The following ARHGEF19 variants were observed in gnomAD, a reference collection of about 807,000 sequenced individuals.
The protein encoded by ARHGEF19 is Rho guanine nucleotide exchange factor 19.
A neutral mutation model predicts 87.6 loss-of-function variants in ARHGEF19; 92 were observed. The ratio of observed to expected loss-of-function variants is 1.05; its 90% CI spans 0.89 to 1.25. The LOEUF is 1.25. Ranked by LOEUF, ARHGEF19 falls within the 50% of genes most tolerant of loss-of-function variation. The probability of loss-of-function intolerance (pLI) is 0.00; values close to 1 mark genes in which losing one functional copy is unlikely to be tolerated. For missense variants in ARHGEF19, 1,054 were observed against 1,051.8 expected (o/e 1.00, Z -0.03); for synonymous variants, 438 against 446.2 (o/e 0.98, Z 0.23).
Position 16,206,349 on chromosome 1 carries a change from G to A in ARHGEF19, c.1138-9C>T, listed in dbSNP as rs1160959386. ...ATCAGCTCAAACTTGGCCTGAGGGA[G>A]GGCACACACGGGGTCGAAAGGGCAG... is the stretch of plus-strand genomic sequence containing the variant. On this transcript the variant is annotated splice_polypyrimidine_tract_variant and intron_variant, in intron 6 of 15. Coordinates refer to ENST00000270747, the MANE Select transcript of ARHGEF19 (RefSeq NM_153213.5). The surrounding 1 kb of genome is among the most constrained non-coding windows in gnomAD (Gnocchi z 4.6). 1.2e-5 allele frequency: 19 copies of A among 1,572,944 alleles called. No individual in the cohort carries two copies. Among genetic ancestry groups the A allele is most frequent in the South Asian group, 3.5e-5 (3 of 85,496 alleles).
At chr1:16,210,807 G>A (rs974749297) in intron 1 of ARHGEF19, among the ~76,000 whole-genome samples, 5 of 152,284 alleles carry the variant, frequency 3.3e-5, no homozygotes, top group Middle Eastern at 3.4e-3. Context: ...ACTGCTCCAC[G>A]GCTGAAATAC....
chr1:16,200,233 C>A (rs2081072378), intron 14 of ARHGEF19, among the ~76,000 whole-genome samples: 1 of 152,246 alleles, frequency 6.6e-6, no homozygotes, highest in African/African-American at 2.4e-5. Flanking sequence ...CTGCCGCTTA[C>A]TGGCTGTGTG....
intron 12 of ARHGEF19, among the ~76,000 whole-genome samples, chr1:16,203,903 T>G (rs79917870): frequency 6.6e-6 from 1 of 152,244 alleles, no homozygotes; most frequent in Non-Finnish European, 1.5e-5. Context: ...AGAGCTTCTG[T>G]GAGCAGAAAA....
In ARHGEF19 at chr1:16,205,716, G is replaced by T; in HGVS notation, c.1452-49C>A. 1.3e-6 allele frequency: 2 copies of T among 1,560,966 alleles called. No individual in the cohort carries two copies. The highest frequency in any genetic ancestry group is 1.2e-5 in the South Asian group (1 of 85,448). On this transcript the variant is annotated intron_variant, in intron 8 of 15. Transcript: ENST00000270747. The surrounding 1 kb of genome is among the most constrained non-coding windows in gnomAD (Gnocchi z 5.8). ...AATCACAGGTAGGCCTGAATTCCTG[G>T]GATCCACAACCCTGGCCATCCACGG...
At position 16,207,413 on chromosome 1, in the gene ARHGEF19, G is replaced by T; in HGVS notation, c.874+109C>A. On this transcript the variant is annotated intron_variant, in intron 5 of 15. Coordinates refer to ENST00000270747, the MANE Select transcript of ARHGEF19 (RefSeq NM_153213.5). This position sits in a 1 kb window ranked among gnomAD's most constrained non-coding sequence, Gnocchi z 4.0. ...CTAGATACCGACAGTTCCATTCTCCGTTTCTCACTCGATCCCTACCTCTCA... is the reference window on the plus strand; with the variant it reads ...CTAGATACCGACAGTTCCATTCTCCTTTTCTCACTCGATCCCTACCTCTCA... The T allele has an allele frequency of 1.4e-6, 2 of 1,439,264 alleles. No homozygotes were observed. Among genetic ancestry groups the T allele is most frequent in the African/African-American group, 1.4e-5 (1 of 70,642 alleles). The allele number at this position is 1,439,264 out of a possible 1,614,324, so 89.2% of individuals were successfully genotyped here. A position where few individuals can be genotyped will look rare whatever the true frequency, so the allele number is the denominator to read the frequency against.
rs1291439497 is a variant in ARHGEF19, at chr1:16,208,176, C to A, written c.462G>T (p.Glu154Asp). ...CAGGCTCTAGGAAGACAGCGTGGGCCTCGGGGCAGCCGGGGACCTCTTCAC... is the reference window on the plus strand; with the variant it reads ...CAGGCTCTAGGAAGACAGCGTGGGCATCGGGGCAGCCGGGGACCTCTTCAC... ...YQREEVPGCP[E>D]AHAVFLEPGQ... is the part of the protein sequence containing the mutation. The change falls in exon 3 of 16, where the codon GAG (glutamate) becomes GAT (aspartate). Residue 154 changes from glutamate to aspartate, a missense_variant. Glu to Asp is a conservative substitution (Grantham distance 45). Transcript: ENST00000270747. The A allele has an allele frequency of 6.2e-7, 1 of 1,613,354 alleles. No individual in the cohort carries two copies. The highest frequency in any genetic ancestry group is 2.2e-5 in the East Asian group (1 of 44,876).
intron 1 of ARHGEF19, among the ~76,000 whole-genome samples, chr1:16,209,890 A>G (rs2081183673): frequency 6.6e-6 from 1 of 152,218 alleles, no homozygotes; most frequent in Admixed American, 6.5e-5. Flanking sequence ...CACCACCCAG[A>G]TCAGGCAGGG....
rs2081164345 is a variant in ARHGEF19 at position 16,208,218 on chromosome 1, C to T, written c.420G>A (p.Lys140=). ...HGSEKKSAWR[K]MRVYQREEVP... is the part of the protein sequence containing the mutation. ...CCTCTTCACGCTGGTACACCCGCAT[C>T]TTGCGCCCTAGGGTTGGGGGCAAGG... The change falls in exon 3 of 16, where the codon AAG becomes AAA. Residue 140 remains lysine, a synonymous_variant. Transcript: ENST00000270747. 10 of 1,612,300 alleles carry T rather than the reference C, an allele frequency of 6.2e-6. No homozygotes were observed. Among genetic ancestry groups the T allele is most frequent in the Non-Finnish European group, 8.5e-6 (10 of 1,179,134 alleles).
chr1:16,205,728 C>T lies in ARHGEF19; in HGVS notation c.1452-61G>A. On this transcript the variant is annotated intron_variant, in intron 8 of 15. Transcript: ENST00000270747. This position sits in a 1 kb window ranked among gnomAD's most constrained non-coding sequence, Gnocchi z 5.8. ...GCCTGAATTCCTGGGATCCACAACC[C>T]TGGCCATCCACGGGGTCCTCAGGGG... 2 of 1,545,970 alleles carry T rather than the reference C, an allele frequency of 1.3e-6. No individual in the cohort carries two copies. The highest frequency in any genetic ancestry group is 2.4e-5 in the South Asian group (2 of 83,750).
At chr1:16,204,636 C>A (rs2081108508) in intron 12 of ARHGEF19, 123 bp downstream of exon 12, 14 of 1,209,116 alleles carry the variant, frequency 1.2e-5, no homozygotes, top group Admixed American at 2.9e-5. Flanking sequence ...GGTGCCCTGG[C>A]AGCATACCCT....
chr1:16,208,296 G>A, intron 2 of ARHGEF19, 71 bp from the exon 3 acceptor site: 2 of 1,520,458 alleles, frequency 1.3e-6, no homozygotes, highest in Non-Finnish European at 1.8e-6. Flanking sequence ...TGCTGCCCCT[G>A]GCCCTGAGCA....
In ARHGEF19 at chr1:16,198,664, T is replaced by C. The variant is rs375592178; in HGVS notation, c.2332A>G (p.Ser778Gly). The change falls in exon 16 of 16, where the codon AGC (serine) becomes GGC (glycine). Residue 778 changes from serine (S) to glycine (G), a missense_variant. Ser to Gly is a moderately conservative substitution (Grantham distance 56, BLOSUM62 0). Transcript: ENST00000270747. The surrounding 1 kb of genome is among the most constrained non-coding windows in gnomAD (Gnocchi z 4.1). ...QAYVEEISSLSARLRNLRENK... is the reference protein window; with the variant it reads ...QAYVEEISSLGARLRNLRENK... The stretch of plus-strand genomic sequence containing the variant: ...TCCCGGAGGTTTCGGAGGCGGGCGC[T>C]GAGGCTGCTGATCTCTTCCACATAG... The C allele has an allele frequency of 1.9e-6, 3 of 1,613,850 alleles. No homozygotes were observed. Among genetic ancestry groups the C allele is most frequent in the Non-Finnish European group, 2.5e-6 (3 of 1,179,800 alleles).
chr1:16,210,093 C>T (rs2081185596), intron 1 of ARHGEF19, among the ~76,000 whole-genome samples: 1 of 152,264 alleles, frequency 6.6e-6, no homozygotes, highest in African/African-American at 2.4e-5. Context: ...GCCCCCACAG[C>T]TCTTGCCCTG....
chr1:16,206,280 C>T lies in ARHGEF19; in HGVS notation c.1198G>A (p.Gly400Ser). The T allele has an allele frequency of 6.3e-7, 1 of 1,585,222 alleles. No individual in the cohort carries two copies. Among genetic ancestry groups the T allele is most frequent in the Non-Finnish European group, 8.6e-7 (1 of 1,166,220 alleles). The change falls in exon 7 of 16, where the codon GGC (glycine) becomes AGC (serine). Residue 400 changes from glycine (G) to serine (S), a missense_variant. By Grantham distance (56) the Gly-to-Ser change is moderately conservative (BLOSUM62 0). Coordinates refer to ENST00000270747, the MANE Select transcript of ARHGEF19 (RefSeq NM_153213.5). The surrounding 1 kb of genome is among the most constrained non-coding windows in gnomAD (Gnocchi z 4.6). ...AGCTCGGCAGAGCCTAAGAAGTGGC[C>T]CACAGCCACCGACAGGCTGTGGATG... ...SYIHSLSVAV[G>S]HFLGSAELSE...
Position 16,198,580 on chromosome 1 carries a change from C to T in ARHGEF19, c.*7G>A. The T allele has an allele frequency of 6.2e-7, 1 of 1,600,796 alleles. No individual in the cohort carries two copies. Among genetic ancestry groups the T allele is most frequent in the Non-Finnish European group, 8.5e-7 (1 of 1,172,806 alleles). ...ATGGAGGTGGGGTCCTAGGCCATGG[C>T]TGCCCATCACACAGGAGCCTCCCCC... On this transcript the variant is annotated 3_prime_UTR_variant, in exon 16 of 16. Transcript: ENST00000270747. This position sits in a 1 kb window ranked among gnomAD's most constrained non-coding sequence, Gnocchi z 4.1.
chr1:16,204,713 A>G (rs925211697), intron 12 of ARHGEF19, 46 bp downstream of exon 12: 1 of 1,517,214 alleles, frequency 6.6e-7, no homozygotes, highest in African/African-American at 1.4e-5. Context: ...GGAGGAAGAG[A>G]GCCTGGCTCC....
In ARHGEF19 at chr1:16,205,845, T is replaced by C. The variant is rs2081126679; in HGVS notation, c.1451+86A>G. ...TTCAGGGACCCCTCCCCTCCCAGAG[T>C]CACCTTACGTCACCCAGCCCTCAGT... On this transcript the variant is annotated intron_variant, in intron 8 of 15. Transcript: ENST00000270747. The surrounding 1 kb of genome is among the most constrained non-coding windows in gnomAD (Gnocchi z 5.8). The C allele has an allele frequency of 1.3e-6, 2 of 1,512,776 alleles. No individual in the cohort carries two copies. Among genetic ancestry groups the C allele is most frequent in the Admixed American group, 2.1e-5 (1 of 47,304 alleles). The allele number at this position is 1,512,776 out of a possible 1,614,324, so 93.7% of individuals were successfully genotyped here. A position where few individuals can be genotyped will look rare whatever the true frequency, so the allele number is the denominator to read the frequency against.
At position 16,205,452 on chromosome 1, in the gene ARHGEF19, G is replaced by A. The variant is rs1428253406; in HGVS notation, c.1582-27C>T. On this transcript the variant is annotated intron_variant, in intron 9 of 15. Transcript: ENST00000270747. This position sits in a 1 kb window ranked among gnomAD's most constrained non-coding sequence, Gnocchi z 5.8. ...TGGAAGGTGGGATCAGCACAATGAGGCAGTCCTCATACTCCCGAGACCCGG... is the reference window on the plus strand; with the variant it reads ...TGGAAGGTGGGATCAGCACAATGAGACAGTCCTCATACTCCCGAGACCCGG... The A allele has an allele frequency of 6.2e-7, 1 of 1,612,240 alleles. No individual in the cohort carries two copies. The highest frequency in any genetic ancestry group is 8.5e-7 in the Non-Finnish European group (1 of 1,179,278).
intron 1 of ARHGEF19, among the ~76,000 whole-genome samples, chr1:16,212,016 T>C (rs2081202085): frequency 6.6e-6 from 1 of 152,194 alleles, no homozygotes; most frequent in Non-Finnish European, 1.5e-5. Context: ...ATCTGTAAAG[T>C]GGCTCCTAAG....
Sources: gnomAD v4.1 joint callset for allele counts (sites outside exome capture counted in the v4.1 genomes callset) on GRCh38, gnomAD v4.1.1 for gene constraint, Gnocchi (gnomAD v3.1) non-coding constraint, MANE v1.5 for transcripts, NCBI Gene and HGNC (gene_info 2026-07-23, HGNC 2026-07-21) for gene names.